EEFSEC: variants seen among roughly 807,000 people sequenced by gnomAD.
The protein encoded by EEFSEC is eukaryotic elongation factor, selenocysteine-tRNA specific, also known as selenocysteine-specific elongation factor.
Under a neutral mutation model 42.1 loss-of-function variants are expected in EEFSEC, and 43 were observed. That is an observed-to-expected ratio of 1.02 (90% CI 0.80 to 1.32). EEFSEC has a LOEUF of 1.32. Among genes scored for constraint, EEFSEC ranks in the 40% most tolerant of loss-of-function variants. EEFSEC has a pLI of 0.00. For missense variants in EEFSEC, 745 were observed against 803.6 expected (o/e 0.93, Z 0.88); for synonymous variants, 354 against 339.1 (o/e 1.04, Z -0.48).
intron 5 of EEFSEC, 30 bp downstream of exon 5, chr3:128,341,919 C>T: frequency 6.3e-7 from 1 of 1,595,204 alleles, no homozygotes; most frequent in Non-Finnish European, 8.5e-7. Flanking sequence ...GCCCCACACC[C>T]CTTCCCTTCT....
chr3:128,318,485 TC>T (rs2066972514), intron 4 of EEFSEC, among the ~76,000 whole-genome samples: 1 of 152,150 alleles, frequency 6.6e-6, no homozygotes, highest in South Asian at 2.1e-4. Context: ...GATGCTCTTC[TC>T]CCTGCACCCT....
intron 6 of EEFSEC, chr3:128,367,727 G>A (rs1040842380): frequency 1.0e-6 from 1 of 985,412 alleles, no homozygotes; most frequent in Non-Finnish European, 1.2e-6. Context: ...AAGCACCACA[G>A]TTGGTGCTGT....
rs147204151 is a variant in EEFSEC at position 128,209,938 on chromosome 3, A to G, written c.317-36898A>G. Among the ~76,000 whole-genome samples the G allele has an allele frequency of 4.5e-3, 684 of 152,362 alleles. 4 individuals carry two copies. The highest frequency in any genetic ancestry group is 0.014 in the African/African-American group (602 of 41,580). On this transcript the variant is annotated intron_variant, in intron 1 of 6. Transcript: ENST00000254730. ...ATGCCAGATCTGTGTGCCATCAAAA[A>G]TATCTCCCACTTTGGGAAACTTTGC...
In EEFSEC at chr3:128,281,066, G is replaced by C. The variant is rs201228086; in HGVS notation, c.786+16285G>C. On this transcript the variant is annotated intron_variant, in intron 4 of 6. Transcript: ENST00000254730. Reference sequence around the variant, plus strand: ...AGCCTAGGCAAACAGGTCTCTGCAGGTGGTGACAGTGATAATTTCCTGTCC... The same window carrying C: ...AGCCTAGGCAAACAGGTCTCTGCAGCTGGTGACAGTGATAATTTCCTGTCC... Among the ~76,000 whole-genome samples the C allele has an allele frequency of 2.3e-4, 35 of 152,308 alleles. No homozygotes were observed. The East Asian group carries it at 6.4e-3, about 28-fold the overall frequency.
chr3:128,187,260 G>C (rs569725277), intron 1 of EEFSEC, among the ~76,000 whole-genome samples: 2 of 152,326 alleles, frequency 1.3e-5, no homozygotes, highest in African/African-American at 4.8e-5. Context: ...CCTGAGCCAA[G>C]ATGTACTAAA....
chr3:128,279,322 CT>C (rs2066501118), intron 4 of EEFSEC, among the ~76,000 whole-genome samples: 1 of 152,234 alleles, frequency 6.6e-6, no homozygotes, highest in African/African-American at 2.4e-5. Flanking sequence ...GCCAATAATC[CT>C]CTGTCCTGGG....
chr3:128,329,158 G>T (rs2067097710), intron 4 of EEFSEC, among the ~76,000 whole-genome samples: 1 of 152,166 alleles, frequency 6.6e-6, no homozygotes. Context: ...GGAGAGCGAG[G>T]CCCAGGCTCA....
intron 4 of EEFSEC, among the ~76,000 whole-genome samples, chr3:128,277,504 T>G (rs905782094): frequency 1.3e-5 from 2 of 152,198 alleles, no homozygotes. Context: ...AGTATTTAAA[T>G]GAGATGATTC....
At chr3:128,328,075 C>T (rs1276718358) in intron 4 of EEFSEC, among the ~76,000 whole-genome samples, 1 of 152,194 alleles carries the variant, frequency 6.6e-6, no homozygotes, top group Non-Finnish European at 1.5e-5. Context: ...CTGCCTCCTT[C>T]AATTTTCACA....
intron 1 of EEFSEC, among the ~76,000 whole-genome samples, chr3:128,176,607 T>C (rs975296157): frequency 2.1e-4 from 32 of 152,268 alleles, no homozygotes; most frequent in African/African-American, 7.2e-4. Flanking sequence ...AATTTATGCA[T>C]TAATACTAAA....
intron 1 of EEFSEC, among the ~76,000 whole-genome samples, chr3:128,173,064 A>G (rs1576517119): frequency 6.6e-6 from 1 of 152,302 alleles, no homozygotes; most frequent in Middle Eastern, 3.4e-3. Flanking sequence ...GAATCTGACC[A>G]CACAAAGTAG....
At chr3:128,273,064 G>T (rs2066430949) in intron 4 of EEFSEC, among the ~76,000 whole-genome samples, 1 of 152,192 alleles carries the variant, frequency 6.6e-6, no homozygotes, top group Admixed American at 6.5e-5. Context: ...AGCAGGGCTT[G>T]ACGTAAGCCT....
chr3:128,340,092 C>T (rs960402430), intron 4 of EEFSEC, among the ~76,000 whole-genome samples: 4 of 152,148 alleles, frequency 2.6e-5, no homozygotes, highest in Non-Finnish European at 5.9e-5. Flanking sequence ...CTGCTGTCTC[C>T]CTCCCCACCC....
chr3:128,306,156 TG>T (rs2066824596), intron 4 of EEFSEC, among the ~76,000 whole-genome samples: 1 of 152,220 alleles, frequency 6.6e-6, no homozygotes, highest in South Asian at 2.1e-4. Context: ...TGGAGTTTAT[TG>T]AGTTTTCCTT....
chr3:128,196,115 G>C (rs967282743), intron 1 of EEFSEC, among the ~76,000 whole-genome samples: 1 of 152,228 alleles, frequency 6.6e-6, no homozygotes, highest in Non-Finnish European at 1.5e-5. Flanking sequence ...GATTGTGTGA[G>C]AGTCTGTATG....
rs1267466671 is a variant in EEFSEC, at chr3:128,170,812, A to G, written c.316+16989A>G. On this transcript the variant is annotated intron_variant, in intron 1 of 6. Transcript: ENST00000254730. The stretch of plus-strand genomic sequence containing the variant: ...TTCTAAAAGTTTTTAAAAGTACATA[A>G]TAAGAAAACTTGTTATGGCAACCAA... 2.0e-5 allele frequency among the ~76,000 whole-genome samples: 3 copies of G among 152,248 alleles called. No individual in the cohort carries two copies. In the East Asian group the frequency reaches 5.8e-4, roughly 29 times the overall value.
In EEFSEC at chr3:128,198,458, T is replaced by C. The variant is rs796932100; in HGVS notation, c.316+44635T>C. On this transcript the variant is annotated intron_variant, in intron 1 of 6. Coordinates refer to ENST00000254730, the MANE Select transcript of EEFSEC (RefSeq NM_021937.5). The stretch of plus-strand genomic sequence containing the variant: ...CCCCCTTAAAACACAACCAGAAAGC[T>C]CAGAACACAACAACATCTTCCATTT... Among the ~76,000 whole-genome samples, 25 of 152,200 alleles carry C rather than the reference T, an allele frequency of 1.6e-4. No individual in the cohort carries two copies. In the East Asian group the frequency reaches 4.4e-3, roughly 27 times the overall value.
chr3:128,156,256 T>C (rs1327056254), intron 1 of EEFSEC, among the ~76,000 whole-genome samples: 1 of 152,220 alleles, frequency 6.6e-6, no homozygotes. Context: ...GGCTTGACTT[T>C]TCTTGTGTAT....
rs138470496 is a variant in EEFSEC, at chr3:128,399,075, AAAATAAAT to A, written c.1601-8970_1601-8963del. ...AGAATGGATTTGTTTTTTGCCTTAA[AAAATAAAT>A]AAATAAATAAATAAATAAATAAAAT... On this transcript the variant is annotated intron_variant, in intron 6 of 6. Coordinates refer to ENST00000254730, the MANE Select transcript of EEFSEC (RefSeq NM_021937.5). Among the ~76,000 whole-genome samples the A allele has an allele frequency of 1.1e-4, 16 of 147,954 alleles. No homozygotes were observed. The East Asian group carries it at 1.6e-3, about 15-fold the overall frequency.
Sources: allele counts gnomAD v4.1 joint callset (sites outside exome capture counted in the v4.1 genomes callset), GRCh38; gene constraint gnomAD v4.1.1; transcripts MANE v1.5; gene names NCBI Gene and HGNC (gene_info 2026-07-23, HGNC 2026-07-21).